NAV2: variants seen among roughly 807,000 people sequenced by gnomAD.
The protein encoded by NAV2 is helicase, APC down-regulated 1.
Under a neutral mutation model 223.2 loss-of-function variants are expected in NAV2, and 54 were observed. The observed-to-expected ratio is 0.24, with a 90% CI of 0.19 to 0.30. NAV2 has a LOEUF of 0.30. NAV2 is among the 10% of genes least tolerant of loss of function. NAV2 has a pLI of 1.00. For missense variants in NAV2, 2,806 were observed against 3,147.5 expected (o/e 0.89, Z 2.60); for synonymous variants, 1,279 against 1,239.3 (o/e 1.03, Z -0.67).
intron 29 of NAV2, among the ~76,000 whole-genome samples, chr11:20,094,904 A>G (rs895617136): frequency 2.0e-5 from 3 of 152,092 alleles, no homozygotes; most frequent in African/African-American, 4.8e-5. Flanking sequence ...TAAAAACCCA[A>G]TATTATGGCA....
intron 1 of NAV2, among the ~76,000 whole-genome samples, chr11:19,623,765 C>T (rs551055546): frequency 6.6e-6 from 1 of 152,312 alleles, no homozygotes; most frequent in African/African-American, 2.4e-5. Flanking sequence ...TCTCTCAACT[C>T]GTCAAAGTCA....
intron 1 of NAV2, among the ~76,000 whole-genome samples, chr11:19,629,514 G>A (rs2047283473): frequency 6.7e-6 from 1 of 148,322 alleles, no homozygotes; most frequent in African/African-American, 2.5e-5. Context: ...CACACTCTTT[G>A]CCTCTTTCTT....
chr11:19,478,735 C>T (rs1388892041), intron 1 of NAV2, among the ~76,000 whole-genome samples: 1 of 152,232 alleles, frequency 6.6e-6, no homozygotes, highest in Non-Finnish European at 1.5e-5. Context: ...GCACGCTTCT[C>T]AGCCCCATCT....
At chr11:19,969,709 G>T (rs926642771) in intron 10 of NAV2, among the ~76,000 whole-genome samples, 2 of 152,132 alleles carry the variant, frequency 1.3e-5, no homozygotes, top group African/African-American at 4.8e-5. Flanking sequence ...TTGGGAGGCT[G>T]AGGCGGGCGG....
intron 5 of NAV2, among the ~76,000 whole-genome samples, chr11:19,890,488 A>G (rs1687375285): frequency 1.3e-5 from 2 of 152,110 alleles, no homozygotes; most frequent in African/African-American, 4.8e-5. Context: ...TGCAAATTCC[A>G]CACTGTGGTA....
chr11:19,948,103 G>T lies in NAV2; in HGVS notation c.2256-588G>T, dbSNP rs181606508. 3.2e-4 allele frequency among the ~76,000 whole-genome samples: 49 copies of T among 151,852 alleles called. No homozygotes were observed. The East Asian group carries it at 7.4e-3, about 23-fold the overall frequency. Reference sequence around the variant, plus strand: ...ATTCTTATTTTTTTTTTTGCCGGGGGGGATGGAGTCTCACTCTCTGTCGGC... The same window carrying T: ...ATTCTTATTTTTTTTTTTGCCGGGGTGGATGGAGTCTCACTCTCTGTCGGC... On this transcript the variant is annotated intron_variant, in intron 9 of 37. Coordinates refer to ENST00000349880, the MANE Select transcript of NAV2 (RefSeq NM_145117.5).
chr11:19,865,809 C>A (rs939788008), intron 3 of NAV2, among the ~76,000 whole-genome samples: 2 of 152,198 alleles, frequency 1.3e-5, no homozygotes, highest in African/African-American at 2.4e-5. Flanking sequence ...TGCCCTCAGG[C>A]CTTCCCTGTT....
intron 36 of NAV2, among the ~76,000 whole-genome samples, chr11:20,109,488 T>G (rs541474979): frequency 2.6e-5 from 4 of 152,158 alleles, no homozygotes; most frequent in Non-Finnish European, 5.9e-5. Flanking sequence ...ATGGTTTTGT[T>G]AAGACCACAG....
chr11:19,552,650 A>G (rs10741778), intron 1 of NAV2, among the ~76,000 whole-genome samples: 54,037 of 152,164 alleles, frequency 0.36, 11,506 homozygotes, highest in African/African-American at 0.59. Flanking sequence ...CGGTAGGACC[A>G]TAAATTATTC....
chr11:19,606,988 A>T (rs779085521), intron 1 of NAV2, among the ~76,000 whole-genome samples: 7 of 152,170 alleles, frequency 4.6e-5, no homozygotes, highest in Non-Finnish European at 1.0e-4. Context: ...GCATTGCTCC[A>T]GCTGGCATGC....
At chr11:19,914,540 C>CT (rs10707433) in intron 6 of NAV2, among the ~76,000 whole-genome samples, 18,837 of 141,570 alleles carry the variant, frequency 0.13, 1,600 homozygotes, top group East Asian at 0.39. Flanking sequence ...TGTTCCTGTT[C>CT]TTTTTTTTTT....
At chr11:19,734,950 C>T (rs545897090) in intron 1 of NAV2, among the ~76,000 whole-genome samples, 1 of 152,340 alleles carries the variant, frequency 6.6e-6, no homozygotes, top group South Asian at 2.1e-4. Context: ...AGCATGGACT[C>T]TCCAGACAGC....
At chr11:20,031,798 A>T (rs911621920) in intron 11 of NAV2, among the ~76,000 whole-genome samples, 3 of 151,846 alleles carry the variant, frequency 2.0e-5, no homozygotes, top group Non-Finnish European at 4.4e-5. Flanking sequence ...GTAGTCACAT[A>T]AGTTTGGGGA....
intron 1 of NAV2, among the ~76,000 whole-genome samples, chr11:19,487,005 C>T (rs1162007580): frequency 2.6e-5 from 4 of 152,218 alleles, no homozygotes; most frequent in Non-Finnish European, 5.9e-5. Flanking sequence ...TAGGAGTGGA[C>T]TGCCTCTACC....
chr11:19,804,510 T>C (rs1159929941), intron 1 of NAV2, among the ~76,000 whole-genome samples: 1 of 152,224 alleles, frequency 6.6e-6, no homozygotes, highest in African/African-American at 2.4e-5. Flanking sequence ...GGGAGGAGCA[T>C]TCTGTTAATC....
At chr11:19,474,027 C>T (rs2042044482) in intron 1 of NAV2, among the ~76,000 whole-genome samples, 1 of 152,188 alleles carries the variant, frequency 6.6e-6, no homozygotes, top group Admixed American at 6.5e-5. Context: ...TAGTCCTGGA[C>T]ATTTCCTTAC....
chr11:19,640,369 T>C (rs2047630826), intron 1 of NAV2, among the ~76,000 whole-genome samples: 1 of 151,998 alleles, frequency 6.6e-6, no homozygotes, highest in Non-Finnish European at 1.5e-5. Context: ...TGTGGTATGA[T>C]ATTTTAAATA....
intron 1 of NAV2, among the ~76,000 whole-genome samples, chr11:19,494,319 C>T (rs907252004): frequency 2.0e-5 from 3 of 152,194 alleles, no homozygotes; most frequent in Non-Finnish European, 1.5e-5. Context: ...ACTCTTGGCT[C>T]ACAAGTGACA....
intron 1 of NAV2, among the ~76,000 whole-genome samples, chr11:19,773,779 CT>C (rs1445425919): frequency 1.3e-5 from 2 of 152,150 alleles, no homozygotes; most frequent in African/African-American, 4.8e-5. Flanking sequence ...TCAGGCATCT[CT>C]TCCACTCACC....
Sources: allele counts gnomAD v4.1 joint callset (sites outside exome capture counted in the v4.1 genomes callset), GRCh38; gene constraint gnomAD v4.1.1; transcripts MANE v1.5; gene names NCBI Gene and HGNC (gene_info 2026-07-23, HGNC 2026-07-21).